The following LAMA2 variants were observed in gnomAD, a reference collection of about 807,000 sequenced individuals.
The protein encoded by LAMA2 is laminin subunit alpha 2.
In LAMA2, 269 loss-of-function variants were observed where a neutral mutation model predicts 364.8. The ratio of observed to expected loss-of-function variants is 0.74; its 90% confidence interval spans 0.67 to 0.82. The LOEUF (loss-of-function observed/expected upper bound fraction) is 0.82, where lower values mean the gene tolerates loss of function less well. LAMA2 is among the 40% of genes least tolerant of loss of function. LAMA2 has a pLI of 0.00. For synonymous variants in LAMA2, 1,379 were observed against 1,370.6 expected, an observed-to-expected ratio of 1.01 and a Z score of -0.14; for missense variants, 3,807 against 3,873.2, an observed-to-expected ratio of 0.98 and a Z score of 0.45.
At chr6:129,401,482 C>A in intron 38 of LAMA2, 142 bp downstream of exon 38, 1 of 690,454 alleles carries the variant, frequency 1.4e-6, no homozygotes, top group Non-Finnish European at 2.6e-6. Context: ...TGTGACCATG[C>A]CTATCTATTG....
intron 45 of LAMA2, among the ~76,000 whole-genome samples, chr6:129,450,257 A>C (rs1782607474): frequency 6.6e-6 from 1 of 151,890 alleles, no homozygotes; most frequent in African/African-American, 2.4e-5. Flanking sequence ...TCTTCTCTAA[A>C]TAATAACTGA....
intron 54 of LAMA2, 24 bp downstream of exon 54, chr6:129,478,837 C>G (rs1784213998): frequency 1.9e-6 from 3 of 1,601,194 alleles, no homozygotes; most frequent in Non-Finnish European, 2.6e-6. Flanking sequence ...TGATAGTTCT[C>G]TAAACACATT....
intron 12 of LAMA2, among the ~76,000 whole-genome samples, chr6:129,232,221 A>G (rs1000227860): frequency 2.6e-5 from 4 of 152,126 alleles, no homozygotes; most frequent in Non-Finnish European, 5.9e-5. Flanking sequence ...GTTTTACTAA[A>G]TTTATTTTGG....
At chr6:129,394,091 T>G (rs1213135374) in intron 37 of LAMA2, among the ~76,000 whole-genome samples, 1 of 152,184 alleles carries the variant, frequency 6.6e-6, no homozygotes, top group East Asian at 1.9e-4. Context: ...ACATAGTAAA[T>G]TATCACTTTT....
At chr6:129,105,732 G>A (rs142506563) in intron 4 of LAMA2, among the ~76,000 whole-genome samples, 20 of 152,202 alleles carry the variant, frequency 1.3e-4, no homozygotes, top group South Asian at 2.1e-4. Flanking sequence ...AATAAACTTC[G>A]AACTAAAACT....
At chr6:129,440,753 C>A in intron 42 of LAMA2, 63 bp from the exon 43 acceptor site, 1 of 1,406,704 alleles carries the variant, frequency 7.1e-7, no homozygotes. Flanking sequence ...CTTTGTCAAG[C>A]ATGGATTAAG....
intron 3 of LAMA2, among the ~76,000 whole-genome samples, chr6:129,093,293 ATTT>A (rs5879924): frequency 2.7e-5 from 4 of 147,250 alleles, no homozygotes; most frequent in African/African-American, 2.5e-5. Context: ...CCGGCCGAGG[ATTT>A]TTTTTTTTTT....
chr6:128,921,697 G>GTTTTTTTTTTTTTTTTTTTTT (rs547882651), intron 1 of LAMA2, among the ~76,000 whole-genome samples: 10 of 118,068 alleles, frequency 8.5e-5, no homozygotes, highest in African/African-American at 3.0e-4. Context: ...ATGAATGTCT[G>GTTTTTTTTTTTTTTTTTTTTT]TTTTTTTTTT....
intron 12 of LAMA2, among the ~76,000 whole-genome samples, chr6:129,245,419 G>T (rs1030074652): frequency 2.0e-5 from 3 of 152,068 alleles, no homozygotes; most frequent in Admixed American, 2.0e-4. Context: ...TGTTCTATTG[G>T]CTGAACACAC....
chr6:129,329,331 C>T (rs1464758854), intron 29 of LAMA2, among the ~76,000 whole-genome samples: 3 of 152,096 alleles, frequency 2.0e-5, no homozygotes, highest in Admixed American at 6.6e-5. Context: ...GCTGCTACCC[C>T]GGCAGCCCTC....
chr6:128,975,507 G>A (rs1170753939), intron 1 of LAMA2, among the ~76,000 whole-genome samples: 4 of 152,194 alleles, frequency 2.6e-5, no homozygotes, highest in South Asian at 2.1e-4. Context: ...TGGGGCAAAT[G>A]ATGGAGGACA....
chr6:129,209,620 C>T (rs983875465), intron 12 of LAMA2, among the ~76,000 whole-genome samples: 1 of 152,174 alleles, frequency 6.6e-6, no homozygotes, highest in African/African-American at 2.4e-5. Context: ...GTTAAATTAA[C>T]TCCTTTAAAA....
At chr6:129,425,967 CAA>C (rs992011812) in intron 40 of LAMA2, among the ~76,000 whole-genome samples, 1 of 151,712 alleles carries the variant, frequency 6.6e-6, no homozygotes, top group Admixed American at 6.6e-5. Flanking sequence ...TACATTCTTA[CAA>C]AAAGGTATTC....
At chr6:129,378,133 A>C (rs1167816165) in intron 34 of LAMA2, among the ~76,000 whole-genome samples, 1 of 152,158 alleles carries the variant, frequency 6.6e-6, no homozygotes, top group Admixed American at 6.5e-5. Flanking sequence ...TCCAAGATAG[A>C]GAATGAAAGG....
intron 3 of LAMA2, among the ~76,000 whole-genome samples, chr6:129,090,331 A>G (rs1458407596): frequency 6.6e-6 from 1 of 152,164 alleles, no homozygotes; most frequent in Non-Finnish European, 1.5e-5. Flanking sequence ...TAACTACTTC[A>G]TTATGTATCT....
intron 12 of LAMA2, among the ~76,000 whole-genome samples, chr6:129,225,289 T>C (rs1784172457): frequency 6.6e-6 from 1 of 152,216 alleles, no homozygotes. Context: ...AATCATCTCC[T>C]GGATTCACTG....
chr6:129,222,196 A>G (rs763871417), intron 12 of LAMA2, among the ~76,000 whole-genome samples: 2 of 152,160 alleles, frequency 1.3e-5, no homozygotes, highest in South Asian at 4.1e-4. Flanking sequence ...CAATGGGTAA[A>G]TGAAAAAATA....
At chr6:129,477,739 C>T (rs1241225198) in intron 53 of LAMA2, among the ~76,000 whole-genome samples, 1 of 152,090 alleles carries the variant, frequency 6.6e-6, no homozygotes, top group Non-Finnish European at 1.5e-5. Flanking sequence ...ATGTAGAATA[C>T]AGACTTTGGG....
chr6:128,895,660 G>A (rs1026739806), intron 1 of LAMA2, among the ~76,000 whole-genome samples: 1 of 151,726 alleles, frequency 6.6e-6, no homozygotes, highest in Non-Finnish European at 1.5e-5. Flanking sequence ...CATGAGCAAG[G>A]TTTAGTACAA....
Sources: allele counts gnomAD v4.1 joint callset (sites outside exome capture counted in the v4.1 genomes callset), GRCh38; gene constraint gnomAD v4.1.1; transcripts MANE v1.5; gene names NCBI Gene and HGNC (gene_info 2026-07-23, HGNC 2026-07-21).